ASIC2: variants seen among roughly 807,000 people sequenced by gnomAD.
ASIC2 encodes acid-sensing ion channel 2.
A neutral mutation model predicts 57.3 loss-of-function variants in ASIC2; 25 were observed. The observed-to-expected ratio is 0.44, with a 90% CI of 0.32 to 0.61. The LOEUF is 0.61. ASIC2 is among the 20% of genes least tolerant of loss of function. The pLI is 0.06. For missense variants in ASIC2, 641 were observed against 738.1 expected (o/e 0.87, Z 1.52); for synonymous variants, 319 against 307.5 (o/e 1.04, Z -0.39).
At chr17:34,078,677 A>T (rs1156895481) in intron 1 of ASIC2, among the ~76,000 whole-genome samples, 1 of 152,162 alleles carries the variant, frequency 6.6e-6, no homozygotes, top group African/African-American at 2.4e-5. Context: ...AGCAGCCCCC[A>T]GCACTTTCTG....
At chr17:33,479,542 G>A (rs1913335169) in intron 1 of ASIC2, among the ~76,000 whole-genome samples, 1 of 152,198 alleles carries the variant, frequency 6.6e-6, no homozygotes, top group African/African-American at 2.4e-5. Flanking sequence ...TGCTGTGTTT[G>A]CAGGAGCTGG....
At chr17:33,478,802 A>G (rs955996592) in intron 1 of ASIC2, among the ~76,000 whole-genome samples, 13 of 152,210 alleles carry the variant, frequency 8.5e-5, no homozygotes, top group African/African-American at 3.1e-4. Context: ...GAGAGAGATC[A>G]GGATTAAAAT....
intron 1 of ASIC2, among the ~76,000 whole-genome samples, chr17:34,083,207 G>A (rs187158350): frequency 8.5e-4 from 110 of 130,080 alleles, no homozygotes; most frequent in African/African-American, 3.2e-3. Context: ...AGAGTGTGAT[G>A]TTGCCCTTCC....
In ASIC2 at chr17:33,185,232, G is replaced by T. The variant is rs150021073; in HGVS notation, c.709-73165C>A. ...ATGTTGTTTTTCAGTTTTTGATTGG[G>T]CTTTGTTTGTTTGTCCTACTATTTC... On this transcript the variant is annotated intron_variant, in intron 1 of 9. Coordinates refer to ENST00000225823, the MANE Select transcript of ASIC2 (RefSeq NM_183377.2). Among the ~76,000 whole-genome samples, 187 of 152,190 alleles carry T rather than the reference G, an allele frequency of 1.2e-3. 7 individuals are homozygous for T. Among genetic ancestry groups the T allele is most frequent in the Admixed American group, 0.01 (154 of 15,274 alleles).
chr17:33,568,180 A>G (rs762238088), intron 1 of ASIC2, among the ~76,000 whole-genome samples: 5 of 152,178 alleles, frequency 3.3e-5, no homozygotes, highest in Non-Finnish European at 7.4e-5. Flanking sequence ...CCCTCCAGTT[A>G]GAGACTTGTG....
intron 1 of ASIC2, among the ~76,000 whole-genome samples, chr17:33,600,741 G>A (rs1905100527): frequency 6.6e-6 from 1 of 152,120 alleles, no homozygotes; most frequent in African/African-American, 2.4e-5. Context: ...CAATTCTGGT[G>A]AGGGCTCATA....
At chr17:33,167,686 C>T (rs931813238) in intron 1 of ASIC2, among the ~76,000 whole-genome samples, 6 of 152,280 alleles carry the variant, frequency 3.9e-5, no homozygotes, top group East Asian at 3.9e-4. Context: ...CCCAATAGTG[C>T]GACAGGCTGA....
At chr17:33,875,440 G>A (rs1468474192) in intron 1 of ASIC2, among the ~76,000 whole-genome samples, 1 of 151,408 alleles carries the variant, frequency 6.6e-6, no homozygotes, top group African/African-American at 2.4e-5. Context: ...CAAAGTGAGA[G>A]AACTCTCAAA....
At chr17:33,423,838 C>A (rs980013331) in intron 1 of ASIC2, among the ~76,000 whole-genome samples, 21 of 152,230 alleles carry the variant, frequency 1.4e-4, no homozygotes, top group Admixed American at 9.2e-4. Flanking sequence ...GAAAACCAGG[C>A]AGGGCAGGGG....
chr17:33,215,227 C>T (rs1907429899), intron 1 of ASIC2, among the ~76,000 whole-genome samples: 1 of 152,274 alleles, frequency 6.6e-6, no homozygotes, highest in South Asian at 2.1e-4. Context: ...GATTCTCATA[C>T]GATTCTGGGG....
intron 1 of ASIC2, among the ~76,000 whole-genome samples, chr17:33,213,639 T>C (rs1907365353): frequency 6.6e-6 from 1 of 152,224 alleles, no homozygotes; most frequent in Non-Finnish European, 1.5e-5. Context: ...CAACTTTAGC[T>C]TTCTGATCTG....
chr17:33,154,020 G>C (rs372439431), intron 1 of ASIC2, among the ~76,000 whole-genome samples: 1 of 152,086 alleles, frequency 6.6e-6, no homozygotes, highest in African/African-American at 2.4e-5. Flanking sequence ...GCTCCTTCAT[G>C]AACATCCTGC....
chr17:33,082,774 G>A (rs2092118399), intron 3 of ASIC2, among the ~76,000 whole-genome samples: 1 of 152,040 alleles, frequency 6.6e-6, no homozygotes, highest in Non-Finnish European at 1.5e-5. Context: ...GAGTCTGATT[G>A]GTGATGTCAA....
At chr17:33,646,456 G>A (rs915851214) in intron 1 of ASIC2, among the ~76,000 whole-genome samples, 4 of 152,154 alleles carry the variant, frequency 2.6e-5, no homozygotes, top group Non-Finnish European at 4.4e-5. Flanking sequence ...CCCTCTTTCT[G>A]CCCTGGGTGG....
intron 1 of ASIC2, among the ~76,000 whole-genome samples, chr17:33,813,755 A>G (rs1912496848): frequency 1.3e-5 from 2 of 152,022 alleles, no homozygotes; most frequent in African/African-American, 4.8e-5. Context: ...GTTTTAAACA[A>G]TGAGGGTATC....
chr17:33,633,954 C>T (rs1417470501), intron 1 of ASIC2, among the ~76,000 whole-genome samples: 1 of 152,200 alleles, frequency 6.6e-6, no homozygotes, highest in African/African-American at 2.4e-5. Flanking sequence ...CTGCCTTATT[C>T]TTTGTGCCTT....
At chr17:33,341,227 A>C (rs1164092317) in intron 1 of ASIC2, among the ~76,000 whole-genome samples, 1 of 152,176 alleles carries the variant, frequency 6.6e-6, no homozygotes, top group Non-Finnish European at 1.5e-5. Flanking sequence ...TTGGTCGGTC[A>C]AGGCTGAGGG....
chr17:33,584,928 G>A (rs897453039), intron 1 of ASIC2, among the ~76,000 whole-genome samples: 1 of 152,120 alleles, frequency 6.6e-6, no homozygotes, highest in Non-Finnish European at 1.5e-5. Flanking sequence ...TGGGATGATG[G>A]GGGATGGAGG....
chr17:33,622,008 T>A (rs535177921), intron 1 of ASIC2, among the ~76,000 whole-genome samples: 1 of 152,110 alleles, frequency 6.6e-6, no homozygotes, highest in Non-Finnish European at 1.5e-5. Flanking sequence ...CAATAAATGT[T>A]GACTGTTGGC....
Sources: allele counts gnomAD v4.1 joint callset (sites outside exome capture counted in the v4.1 genomes callset), GRCh38; gene constraint gnomAD v4.1.1; transcripts MANE v1.5; gene names NCBI Gene and HGNC (gene_info 2026-07-23, HGNC 2026-07-21).